PHAF1: variants seen among roughly 807,000 people sequenced by gnomAD.
PHAF1 encodes the protein phagophore assembly factor 1.
PHAF1 carries 23 observed loss-of-function variants against 63.1 expected under a neutral mutation model. The ratio of observed to expected loss-of-function variants is 0.36; its 90% CI spans 0.26 to 0.52. The LOEUF (loss-of-function observed/expected upper bound fraction) is 0.52. PHAF1 is among the 20% of genes least tolerant of loss of function. The pLI is 0.93. For synonymous variants in PHAF1, 167 were observed against 185.0 expected (o/e 0.90, Z 0.79); for missense variants, 427 against 517.2 (o/e 0.83, Z 1.69).
chr16:67,134,669 T>G, intron 8 of PHAF1: 1 of 673,426 alleles, frequency 1.5e-6, no homozygotes, highest in South Asian at 1.5e-5. Context: ...ACTGGCAGAT[T>G]CAGTATCTGG....
At chr16:67,126,092 C>G in intron 3 of PHAF1, 50 bp downstream of exon 3, 1 of 1,400,366 alleles carries the variant, frequency 7.1e-7, no homozygotes, top group South Asian at 1.2e-5. Context: ...GCCAGTCTTT[C>G]TGGAGCTAAT....
chr16:67,127,808 T>C (rs531160302), intron 3 of PHAF1, among the ~76,000 whole-genome samples: 2 of 150,836 alleles, frequency 1.3e-5, no homozygotes, highest in East Asian at 1.9e-4. Flanking sequence ...AAAAAAAAAA[T>C]TGGGGGGAAA....
chr16:67,133,513 A>AC (rs1006762110), intron 6 of PHAF1, among the ~76,000 whole-genome samples: 8 of 151,108 alleles, frequency 5.3e-5, no homozygotes, highest in African/African-American at 2.4e-5. Flanking sequence ...AAAAAAAAAA[A>AC]AAAAAAAAAC....
chr16:67,117,199 AT>A (rs750308105), intron 1 of PHAF1, among the ~76,000 whole-genome samples: 5,511 of 111,978 alleles, frequency 0.049, 122 homozygotes, highest in African/African-American at 0.12. Context: ...TGCCCAGCTA[AT>A]TTTTTTTTTT....
In PHAF1 at chr16:67,132,603, C is replaced by T. The variant is rs764748595; in HGVS notation, c.355+78C>T. 8 of 1,451,160 alleles carry T rather than the reference C, an allele frequency of 5.5e-6. No homozygotes were observed. The East Asian group carries it at 1.1e-4, about 21-fold the overall frequency. The allele number at this position is 1,451,160 out of a possible 1,614,324, so 89.9% of individuals were successfully genotyped here. A position where few individuals can be genotyped will look rare whatever the true frequency, so the allele number is the denominator to read the frequency against. ...AAACCTGCCCGGTAGTGCCATCCCA[C>T]CCCACTTCCTGGAGTCAGGCTCCCA... On this transcript the variant is annotated intron_variant, in intron 5 of 15. Transcript: ENST00000219139.
At chr16:67,119,995 C>A in intron 1 of PHAF1, 117 bp from the exon 2 acceptor site, 1 of 751,760 alleles carries the variant, frequency 1.3e-6, no homozygotes, top group Non-Finnish European at 2.2e-6. Context: ...TATCTGTAGA[C>A]CTTAGTAGCC....
chr16:67,123,223 C>A (rs1345825781), intron 2 of PHAF1, among the ~76,000 whole-genome samples: 1 of 151,824 alleles, frequency 6.6e-6, no homozygotes, highest in Admixed American at 6.6e-5. Context: ...GCCGTCCTCC[C>A]ACCTCAGCCT....
At chr16:67,110,305 C>G (rs1962459128) in intron 1 of PHAF1, 66 bp downstream of exon 1, 1 of 1,519,254 alleles carries the variant, frequency 6.6e-7, no homozygotes, top group Non-Finnish European at 8.9e-7. Context: ...GCTCTTCCCA[C>G]CTGTTCTCAG....
chr16:67,140,394 A>T, intron 9 of PHAF1, 117 bp from the exon 10 acceptor site: 2 of 969,988 alleles, frequency 2.1e-6, no homozygotes, highest in Non-Finnish European at 1.6e-6. Flanking sequence ...GAGACTCCCC[A>T]CTCTTGCTTG....
chr16:67,144,461 C>T, intron 11 of PHAF1, 85 bp downstream of exon 11: 2 of 979,430 alleles, frequency 2.0e-6, no homozygotes, highest in Non-Finnish European at 1.6e-6. Flanking sequence ...TTTGGGTGTT[C>T]ACTAATTTAT....
chr16:67,146,480 C>A, intron 15 of PHAF1, 130 bp downstream of exon 15: 2 of 957,154 alleles, frequency 2.1e-6, no homozygotes, highest in Non-Finnish European at 3.3e-6. Flanking sequence ...TCTTCAGCAA[C>A]CGTGTCTGCT....
chr16:67,130,505 C>T (rs113303007), intron 3 of PHAF1, among the ~76,000 whole-genome samples: 27 of 152,178 alleles, frequency 1.8e-4, no homozygotes, highest in Admixed American at 2.6e-4. Context: ...TGTGCCACCA[C>T]GCCCAGCTAA....
chr16:67,133,824 A>G (rs1963506925), intron 6 of PHAF1, among the ~76,000 whole-genome samples: 1 of 151,906 alleles, frequency 6.6e-6, no homozygotes, highest in Non-Finnish European at 1.5e-5. Flanking sequence ...GCACACTTGT[A>G]GTCCCAGCTA....
At chr16:67,132,152 T>A (rs1963427514) in intron 4 of PHAF1, 2 of 251,288 alleles carry the variant, frequency 8.0e-6, no homozygotes, top group African/African-American at 4.5e-5. Context: ...TTAGTTTTAC[T>A]GGGGCCTTCA....
chr16:67,147,015 C>T, intron 15 of PHAF1, 30 bp from the exon 16 acceptor site: 2 of 1,577,938 alleles, frequency 1.3e-6, no homozygotes, highest in South Asian at 1.1e-5. Context: ...TACCTCTCCC[C>T]CTTGACCCAC....
In PHAF1 at chr16:67,148,491, G is replaced by A. The variant is rs908639572; in HGVS notation, c.*1360G>A. 6.6e-6 allele frequency: 1 copy of A among 152,400 alleles called. No homozygotes were observed. The highest frequency in any genetic ancestry group is 2.4e-5 in the African/African-American group (1 of 41,462). 9.4% of individuals were successfully genotyped at this position (152,400 alleles called of 1,614,324 possible). A position where few individuals can be genotyped will look rare whatever the true frequency, so the allele number is the denominator to read the frequency against. On this transcript the variant is annotated 3_prime_UTR_variant, in exon 16 of 16. Transcript: ENST00000219139. ...ATCCCCTCTCCAATAAAGCACCTGTGCCCTCAGCAATGGCCTGCCATGTGC... is the reference window on the plus strand; with the variant it reads ...ATCCCCTCTCCAATAAAGCACCTGTACCCTCAGCAATGGCCTGCCATGTGC...
Position 67,144,278 on chromosome 16 carries a change from T to C in PHAF1, c.880-16T>C, listed in dbSNP as rs1394091537. 6 of 1,593,476 alleles carry C rather than the reference T, an allele frequency of 3.8e-6. No individual in the cohort carries two copies. Among genetic ancestry groups the C allele is most frequent in the Non-Finnish European group, 5.2e-6 (6 of 1,161,326 alleles). On this transcript the variant is annotated splice_polypyrimidine_tract_variant and intron_variant, in intron 10 of 15. Transcript: ENST00000219139. ...AGTAACATTCCCTCCTTGAGTACCC[T>C]TGTTTTCTATCCCAGGACATCCTCT... is the stretch of plus-strand genomic sequence containing the variant.
chr16:67,117,801 C>A (rs1017908446), intron 1 of PHAF1, among the ~76,000 whole-genome samples: 1 of 150,174 alleles, frequency 6.7e-6, no homozygotes, highest in African/African-American at 2.4e-5. Context: ...GAATGCCTCG[C>A]CCTGTTGCTT....
At chr16:67,142,531 G>C (rs1311625861) in intron 10 of PHAF1, among the ~76,000 whole-genome samples, 2 of 152,252 alleles carry the variant, frequency 1.3e-5, no homozygotes, top group Non-Finnish European at 2.9e-5. Context: ...CAGGGGGCTA[G>C]TGTGTCAGTG....
Sources: gnomAD v4.1 joint callset for allele counts (sites outside exome capture counted in the v4.1 genomes callset) on GRCh38, gnomAD v4.1.1 for gene constraint, MANE v1.5 for transcripts, NCBI Gene and HGNC (gene_info 2026-07-23, HGNC 2026-07-21) for gene names.